The following FYN variants were observed in gnomAD, a reference collection of about 807,000 sequenced individuals.
FYN encodes FYN proto-oncogene, Src family tyrosine kinase, also known as tyrosine-protein kinase Fyn.
Under a neutral mutation model 70.2 loss-of-function variants are expected in FYN, and 10 were observed. That is an observed-to-expected ratio of 0.14 (90% CI 0.09 to 0.24). The LOEUF (loss-of-function observed/expected upper bound fraction) is 0.24. Ranked by LOEUF, FYN falls within the 10% of genes least tolerant of loss-of-function variation. The probability of loss-of-function intolerance (pLI) is 1.00; values close to 1 mark genes in which losing one functional copy is unlikely to be tolerated. For missense variants in FYN, 319 were observed against 673.1 expected, an observed-to-expected ratio of 0.47 and a Z score of 5.82; for synonymous variants, 236 against 248.6, an observed-to-expected ratio of 0.95 and a Z score of 0.48.
At chr6:111,757,776 G>T (rs1405452387) in intron 3 of FYN, among the ~76,000 whole-genome samples, 1 of 152,116 alleles carries the variant, frequency 6.6e-6, no homozygotes, top group Non-Finnish European at 1.5e-5. Flanking sequence ...CAAAACACAG[G>T]ATGTCATTTA....
At chr6:111,841,003 G>A (rs1773342289) in intron 2 of FYN, among the ~76,000 whole-genome samples, 1 of 152,202 alleles carries the variant, frequency 6.6e-6, no homozygotes, top group Non-Finnish European at 1.5e-5. Flanking sequence ...TCTCTCCATT[G>A]TAACGTGGGC....
intron 3 of FYN, among the ~76,000 whole-genome samples, chr6:111,770,944 C>A (rs112360047): frequency 8.5e-5 from 13 of 152,138 alleles, no homozygotes; most frequent in Non-Finnish European, 1.5e-4. Context: ...TGGGAACAAA[C>A]CATAGCAAGG....
intron 3 of FYN, among the ~76,000 whole-genome samples, chr6:111,772,647 A>T (rs992952537): frequency 6.6e-6 from 1 of 152,222 alleles, no homozygotes; most frequent in Non-Finnish European, 1.5e-5. Flanking sequence ...CTTAATAACA[A>T]GCCTCTAGAT....
intron 12 of FYN, among the ~76,000 whole-genome samples, chr6:111,691,583 A>T (rs1799319523): frequency 6.6e-6 from 1 of 152,182 alleles, no homozygotes; most frequent in Non-Finnish European, 1.5e-5. Flanking sequence ...CAGCAGACAC[A>T]CACCAGGCCC....
chr6:111,678,656 G>A (rs1182032827), intron 12 of FYN, among the ~76,000 whole-genome samples: 3 of 152,124 alleles, frequency 2.0e-5, no homozygotes, highest in African/African-American at 7.2e-5. Context: ...GGTTATACAA[G>A]TCAGTGCCCC....
At chr6:111,853,479 C>T (rs1773742409) in intron 1 of FYN, among the ~76,000 whole-genome samples, 1 of 152,010 alleles carries the variant, frequency 6.6e-6, no homozygotes, top group African/African-American at 2.4e-5. Context: ...TCCCTGGAAG[C>T]TTAAAATCTA....
chr6:111,862,834 G>A (rs1774001354), intron 1 of FYN, among the ~76,000 whole-genome samples: 1 of 152,200 alleles, frequency 6.6e-6, no homozygotes, highest in South Asian at 2.1e-4. Context: ...GCTTTTGAGA[G>A]TTGGGATTCC....
chr6:111,689,332 A>G (rs1799199439), intron 12 of FYN, among the ~76,000 whole-genome samples: 1 of 152,218 alleles, frequency 6.6e-6, no homozygotes. Context: ...AGAGGCAAGT[A>G]CAGTACTGGC....
chr6:111,780,169 C>T (rs1771115349), intron 3 of FYN, among the ~76,000 whole-genome samples: 2 of 152,078 alleles, frequency 1.3e-5, no homozygotes, highest in South Asian at 2.1e-4. Flanking sequence ...TCCTAAGCTG[C>T]CTGCTTCTCT....
chr6:111,797,711 T>TAG (rs1554290407), intron 2 of FYN, among the ~76,000 whole-genome samples: 2 of 101,254 alleles, frequency 2.0e-5, no homozygotes, highest in Non-Finnish European at 4.5e-5. Flanking sequence ...TATATATATA[T>TAG]ACACACACAC....
At chr6:111,767,526 G>C (rs571504952) in intron 3 of FYN, among the ~76,000 whole-genome samples, 1 of 151,530 alleles carries the variant, frequency 6.6e-6, no homozygotes, top group East Asian at 1.9e-4. Context: ...CTCAGCCTCC[G>C]AGTAGCTGGG....
intron 1 of FYN, among the ~76,000 whole-genome samples, chr6:111,853,656 T>A (rs907019405): frequency 1.3e-5 from 2 of 152,228 alleles, no homozygotes; most frequent in African/African-American, 4.8e-5. Context: ...TCTCACTGTG[T>A]CACCCAGGCT....
chr6:111,692,108 C>CT (rs112271937), intron 12 of FYN, among the ~76,000 whole-genome samples: 2,544 of 149,618 alleles, frequency 0.017, 34 homozygotes, highest in Non-Finnish European at 0.026. Context: ...ATTTCCCCCC[C>CT]CCCCAGTTCA....
intron 1 of FYN, among the ~76,000 whole-genome samples, chr6:111,852,115 C>T (rs893667209): frequency 2.6e-5 from 4 of 152,136 alleles, no homozygotes; most frequent in African/African-American, 9.7e-5. Context: ...ACTATCTGCT[C>T]ACCACTGGGG....
chr6:111,839,814 T>C (rs1027302299), intron 2 of FYN, among the ~76,000 whole-genome samples: 2 of 152,112 alleles, frequency 1.3e-5, no homozygotes, highest in African/African-American at 2.4e-5. Context: ...CAGAGACAGC[T>C]TGGGGGTCTG....
chr6:111,727,704 A>G (rs973196562), intron 3 of FYN, among the ~76,000 whole-genome samples: 6 of 152,232 alleles, frequency 3.9e-5, no homozygotes. Flanking sequence ...ATGACTTTGC[A>G]AAGGTTCTCT....
intron 5 of FYN, among the ~76,000 whole-genome samples, chr6:111,712,406 C>A (rs1207009417): frequency 6.6e-6 from 1 of 152,178 alleles, no homozygotes; most frequent in Non-Finnish European, 1.5e-5. Context: ...GAGATCAAAG[C>A]CCAATCCCCT....
chr6:111,860,285 C>A (rs897355694), intron 1 of FYN, among the ~76,000 whole-genome samples: 1 of 152,188 alleles, frequency 6.6e-6, no homozygotes. Flanking sequence ...CGTTCCTTCT[C>A]GCTCCTGCCT....
chr6:111,767,008 A>C (rs1803250205), intron 3 of FYN, among the ~76,000 whole-genome samples: 1 of 152,214 alleles, frequency 6.6e-6, no homozygotes, highest in South Asian at 2.1e-4. Flanking sequence ...TATATAGGGG[A>C]TATAGTTGTC....
Sources: allele counts gnomAD v4.1 joint callset (sites outside exome capture counted in the v4.1 genomes callset), GRCh38; gene constraint gnomAD v4.1.1; transcripts MANE v1.5; gene names NCBI Gene and HGNC (gene_info 2026-07-23, HGNC 2026-07-21).